Variants in CHODL observed in about 807,000 individuals in gnomAD.
CHODL encodes chondrolectin.
In CHODL, 29 loss-of-function variants were observed where a neutral mutation model predicts 34.5. The observed-to-expected ratio is 0.84, with a 90% CI of 0.63 to 1.15. The LOEUF (loss-of-function observed/expected upper bound fraction) is 1.15, where lower values mean the gene tolerates loss of function less well. CHODL is among the 50% of genes most tolerant of loss of function. CHODL has a pLI of 0.00. For synonymous variants in CHODL, 125 were observed against 116.1 expected (o/e 1.08, Z -0.49); for missense variants, 332 against 332.5 (o/e 1.00, Z 0.01).
chr21:17,978,733 G>GAA (rs34399713), intron 1 of CHODL, among the ~76,000 whole-genome samples: 2 of 139,654 alleles, frequency 1.4e-5, no homozygotes, highest in Non-Finnish European at 3.1e-5. Context: ...GAAAAAAAAA[G>GAA]AAAAAAAAAA....
At chr21:18,214,745 C>T (rs1191193625) in intron 2 of CHODL, among the ~76,000 whole-genome samples, 1 of 152,064 alleles carries the variant, frequency 6.6e-6, no homozygotes, top group Non-Finnish European at 1.5e-5. Flanking sequence ...CTAGAAGAGT[C>T]TTATCAGGGC....
rs1249521832 is a variant in CHODL at position 18,267,102 on chromosome 21, T to TATCA, written c.*1065_*1068dup. On this transcript the variant is annotated 3_prime_UTR_variant, in exon 6 of 6. Transcript: ENST00000299295. ...TGGTTGAGACCAGGTGAATAGTCAC[T>TATCA]ATCAGTGTGGAGACAAGCACAGCAC... 2 of 152,200 alleles carry TATCA rather than the reference T, an allele frequency of 1.3e-5. No homozygotes were observed. The highest frequency in any genetic ancestry group is 2.9e-5 in the Non-Finnish European group (2 of 68,048). The allele number at this position is 152,200 out of a possible 1,614,324, so 9.4% of individuals were successfully genotyped here.
chr21:18,003,218 A>G (rs988736419), intron 1 of CHODL, among the ~76,000 whole-genome samples: 2 of 151,118 alleles, frequency 1.3e-5, no homozygotes, highest in Admixed American at 6.6e-5. Context: ...TTTCTCCCTT[A>G]ATGTTGTCAG....
chr21:18,207,987 G>A (rs1019255750), intron 2 of CHODL, among the ~76,000 whole-genome samples: 1 of 151,794 alleles, frequency 6.6e-6, no homozygotes, highest in African/African-American at 2.4e-5. Context: ...TCTTGTACTT[G>A]AACATTATCT....
chr21:18,159,577 C>T (rs1019977749), intron 2 of CHODL, among the ~76,000 whole-genome samples: 3 of 152,112 alleles, frequency 2.0e-5, no homozygotes, highest in Non-Finnish European at 2.9e-5. Flanking sequence ...TCTACATTTG[C>T]GGATTGTGTT....
At chr21:17,927,076 A>C (rs2063230778) in intron 1 of CHODL, among the ~76,000 whole-genome samples, 1 of 150,204 alleles carries the variant, frequency 6.7e-6, no homozygotes, top group African/African-American at 2.5e-5. Context: ...GTATATGTAT[A>C]TCTGTGTGTA....
rs1047350298 is a variant in CHODL, at chr21:18,063,336, C to T, written c.-45+35365C>T. Among the ~76,000 whole-genome samples the T allele has an allele frequency of 7.2e-5, 11 of 152,146 alleles. No individual in the cohort carries two copies. In the South Asian group the frequency reaches 8.3e-4, roughly 11 times the overall value. On this transcript the variant is annotated intron_variant, in intron 2 of 6. Coordinates refer to the CHODL transcript ENST00000400127. ...CACATTATAAAGAATGAACTTTGAACTTTGTAATTAAGATTCAGTAAGCAT... is the reference window on the plus strand; with the variant it reads ...CACATTATAAAGAATGAACTTTGAATTTTGTAATTAAGATTCAGTAAGCAT...
At chr21:18,186,098 ACATC>A in intron 2 of CHODL, among the ~76,000 whole-genome samples, 1 of 152,250 alleles carries the variant, frequency 6.6e-6, no homozygotes, top group African/African-American at 2.4e-5. Context: ...GGTTGACACA[ACATC>A]CATTTCTTTC....
intron 1 of CHODL, among the ~76,000 whole-genome samples, chr21:18,251,587 ATTT>A (rs1419945685): frequency 3.5e-3 from 10 of 2,876 alleles, no homozygotes; most frequent in African/African-American, 7.1e-3. Context: ...TATATAAAAT[ATTT>A]ATTTTATTTA....
intron 2 of CHODL, among the ~76,000 whole-genome samples, chr21:18,065,180 C>G (rs1481382179): frequency 6.6e-6 from 1 of 152,190 alleles, no homozygotes; most frequent in African/African-American, 2.4e-5. Flanking sequence ...CTCACACACA[C>G]AGAGATTCTC....
At chr21:18,043,176 A>T (rs2064397509) in intron 2 of CHODL, among the ~76,000 whole-genome samples, 2 of 151,976 alleles carry the variant, frequency 1.3e-5, no homozygotes, top group Admixed American at 1.3e-4. Flanking sequence ...GTATTGGCCT[A>T]GAATACCAGA....
intron 2 of CHODL, among the ~76,000 whole-genome samples, chr21:18,137,218 T>C (rs2072744483): frequency 6.6e-6 from 1 of 152,186 alleles, no homozygotes; most frequent in African/African-American, 2.4e-5. Context: ...GCATTCCTTC[T>C]CCTCCTGATT....
rs1215279489 is a variant in CHODL at position 18,251,694 on chromosome 21, TTTTA to T, written c.80-4803_80-4800del. On this transcript the variant is annotated intron_variant, in intron 1 of 5. Coordinates refer to ENST00000299295, the MANE Select transcript of CHODL (RefSeq NM_024944.3). ...TTTATTTTAATATATAAAATAAATA[TTTTA>T]TTTATTTATTTTAATATATAAAATA... 1.8e-4 allele frequency among the ~76,000 whole-genome samples: 20 copies of T among 109,448 alleles called. 1 individual carries two copies. In the East Asian group the frequency reaches 2.0e-3, roughly 11 times the overall value. 71.8% of individuals were successfully genotyped at this position (109,448 alleles called of 152,430 possible).
At chr21:18,008,637 A>G (rs1009006559) in intron 1 of CHODL, among the ~76,000 whole-genome samples, 1 of 152,176 alleles carries the variant, frequency 6.6e-6, no homozygotes, top group Admixed American at 6.5e-5. Flanking sequence ...TACTTAGCAT[A>G]ATATCCTCTA....
Position 17,956,251 on chromosome 21 carries a change from C to T in CHODL, c.-145+38851C>T, listed in dbSNP as rs752240704. 1.6e-4 allele frequency among the ~76,000 whole-genome samples: 19 copies of T among 115,414 alleles called. 4 individuals carry two copies. Among genetic ancestry groups the T allele is most frequent in the Non-Finnish European group, 3.7e-4 (19 of 50,912 alleles). The allele number at this position is 115,414 out of a possible 152,430, so 75.7% of individuals were successfully genotyped here. On this transcript the variant is annotated intron_variant, in intron 1 of 6. Coordinates refer to the CHODL transcript ENST00000400127. The stretch of plus-strand genomic sequence containing the variant: ...GCACTGAATTCACATGAGATCTGGT[C>T]TTTTAAAAATGTGTGACACCTCCCC...
At chr21:18,034,835 A>G (rs951653931) in intron 2 of CHODL, among the ~76,000 whole-genome samples, 4 of 151,938 alleles carry the variant, frequency 2.6e-5, no homozygotes, top group African/African-American at 9.7e-5. Context: ...TGAAAATTTG[A>G]CTTTAGGTAT....
At chr21:17,986,185 C>CT (rs568390447) in intron 1 of CHODL, among the ~76,000 whole-genome samples, 105 of 151,970 alleles carry the variant, frequency 6.9e-4, no homozygotes, top group African/African-American at 2.3e-3. Flanking sequence ...TTTTATTATA[C>CT]TTTAAGTTCT....
chr21:18,142,450 A>G (rs2072815058), intron 2 of CHODL, among the ~76,000 whole-genome samples: 1 of 152,172 alleles, frequency 6.6e-6, no homozygotes, highest in Admixed American at 6.5e-5. Flanking sequence ...TTAGTTTTCT[A>G]CAATGTTGGT....
intron 2 of CHODL, among the ~76,000 whole-genome samples, chr21:18,155,997 G>GTGC (rs1157248758): frequency 6.6e-6 from 1 of 152,198 alleles, no homozygotes; most frequent in Non-Finnish European, 1.5e-5. Flanking sequence ...CAGAAGCCAA[G>GTGC]TGCTACTGCT....
Sources: gnomAD v4.1 joint callset for allele counts (sites outside exome capture counted in the v4.1 genomes callset) on GRCh38, gnomAD v4.1.1 for gene constraint, MANE v1.5 for transcripts, NCBI Gene and HGNC (gene_info 2026-07-23, HGNC 2026-07-21) for gene names.